Variants in SSBP1 observed in about 807,000 individuals in gnomAD.
SSBP1 encodes single stranded DNA binding protein 1, also known as single-stranded DNA-binding protein, mitochondrial.
A neutral mutation model predicts 27.0 loss-of-function variants in SSBP1; 20 were observed. The ratio of observed to expected loss-of-function variants is 0.74; its 90% CI spans 0.52 to 1.08. The LOEUF (loss-of-function observed/expected upper bound fraction) is 1.08. SSBP1 is among the 50% of genes least tolerant of loss of function. The probability of loss-of-function intolerance (pLI) is 0.00; values close to 1 mark genes in which losing one functional copy is unlikely to be tolerated. For missense variants in SSBP1, 137 were observed against 182.4 expected, an observed-to-expected ratio of 0.75 and a Z score of 1.44; for synonymous variants, 59 against 59.3, an observed-to-expected ratio of 1.00 and a Z score of 0.02.
At chr7:141,742,073 T>A in intron 2 of SSBP1, 96 bp from the exon 3 acceptor site, 1 of 910,950 alleles carries the variant, frequency 1.1e-6, no homozygotes, top group Non-Finnish European at 1.7e-6. Context: ...TTTCAGGAAC[T>A]ACTGACTATA....
chr7:141,742,072 C>T, intron 2 of SSBP1, 97 bp from the exon 3 acceptor site: 1 of 904,128 alleles, frequency 1.1e-6, no homozygotes, highest in Non-Finnish European at 1.7e-6. Flanking sequence ...TTTTCAGGAA[C>T]TACTGACTAT....
intron 2 of SSBP1, chr7:141,741,667 A>G: frequency 2.2e-6 from 1 of 458,200 alleles, no homozygotes; most frequent in African/African-American, 2.1e-5. Context: ...GTAATATACC[A>G]GTTGTTTATA....
intron 3 of SSBP1, among the ~76,000 whole-genome samples, chr7:141,743,000 G>C (rs979210321): frequency 1.3e-5 from 2 of 152,086 alleles, no homozygotes; most frequent in African/African-American, 2.4e-5. Context: ...GACTACAGGC[G>C]CCCGCCACCA....
chr7:141,741,077 T>G (rs1202630997), intron 2 of SSBP1: 1 of 152,224 alleles, frequency 6.6e-6, no homozygotes, highest in Non-Finnish European at 1.5e-5. Flanking sequence ...TCTCGTTCTC[T>G]AAACCAGCAG....
At chr7:141,747,483 G>A (rs918239298) in intron 6 of SSBP1, among the ~76,000 whole-genome samples, 1 of 147,360 alleles carries the variant, frequency 6.8e-6, no homozygotes, top group South Asian at 2.2e-4. Flanking sequence ...TTCGCCTCCC[G>A]GGTTCAAGCG....
chr7:141,745,951 G>C (rs530619811), intron 6 of SSBP1: 2 of 1,008,774 alleles, frequency 2.0e-6, no homozygotes, highest in South Asian at 9.2e-5. Context: ...ACACTAATGT[G>C]AGTGTGCAGA....
chr7:141,741,832 G>A, intron 2 of SSBP1: 1 of 1,013,544 alleles, frequency 9.9e-7, no homozygotes, highest in Non-Finnish European at 1.2e-6. Context: ...ACTCTGTAAT[G>A]TTAAAGTGAT....
At chr7:141,743,415 T>G (rs1221525853) in intron 3 of SSBP1, 146 bp from the exon 4 acceptor site, 19 of 887,298 alleles carry the variant, frequency 2.1e-5, no homozygotes, top group Non-Finnish European at 3.2e-5. Flanking sequence ...CATGACGTCA[T>G]CTAAGCCTAA....
In SSBP1 at chr7:141,742,238, C is replaced by T. The variant is rs780647294; in HGVS notation, c.85+9C>T. On this transcript the variant is annotated intron_variant, in intron 3 of 6. Coordinates refer to ENST00000265304, the MANE Select transcript of SSBP1 (RefSeq NM_003143.3). Reference sequence around the variant, plus strand: ...TTTGGTTCTTGAAAGATGTAAGTAGCTAATTTCCAAGTTTAAAATGTTATT... The same window carrying T: ...TTTGGTTCTTGAAAGATGTAAGTAGTTAATTTCCAAGTTTAAAATGTTATT... 1.9e-6 allele frequency: 3 copies of T among 1,591,836 alleles called. No homozygotes were observed. The highest frequency in any genetic ancestry group is 8.6e-7 in the Non-Finnish European group (1 of 1,161,486).
chr7:141,749,168 A>G (rs942465446), intron 6 of SSBP1, among the ~76,000 whole-genome samples: 3 of 152,256 alleles, frequency 2.0e-5, no homozygotes, highest in Non-Finnish European at 4.4e-5. Context: ...AGCTGTTAAC[A>G]TAGCATTTAC....
intron 4 of SSBP1, 32 bp downstream of exon 4, chr7:141,743,733 T>A (rs1400841092): frequency 6.2e-7 from 1 of 1,606,572 alleles, no homozygotes; most frequent in Admixed American, 1.7e-5. Flanking sequence ...TTTAATTTTA[T>A]CAGCAATAAA....
chr7:141,747,918 A>T (rs1464028280), intron 6 of SSBP1, among the ~76,000 whole-genome samples: 1 of 149,842 alleles, frequency 6.7e-6, no homozygotes, highest in Non-Finnish European at 1.5e-5. Context: ...GAATTGCTTG[A>T]ACCCAGGAGG....
At chr7:141,748,126 T>A (rs1799851096) in intron 6 of SSBP1, among the ~76,000 whole-genome samples, 1 of 151,444 alleles carries the variant, frequency 6.6e-6, no homozygotes. Flanking sequence ...CAGTGTTATA[T>A]CCATGCCTCC....
At chr7:141,739,989 A>G (rs1022109479) in intron 2 of SSBP1, 6 of 152,242 alleles carry the variant, frequency 3.9e-5, no homozygotes, top group Non-Finnish European at 8.8e-5. Flanking sequence ...ATAAGAGTTA[A>G]AAGTTTAATT....
intron 2 of SSBP1, 41 bp downstream of exon 2, chr7:141,739,231 C>G (rs1212993721): frequency 1.3e-6 from 2 of 1,509,806 alleles, no homozygotes; most frequent in East Asian, 4.7e-5. Context: ...GTATTACTAT[C>G]AGCCACAGTG....
intron 6 of SSBP1, among the ~76,000 whole-genome samples, chr7:141,748,154 C>T (rs1799852708): frequency 6.6e-6 from 1 of 151,954 alleles, no homozygotes; most frequent in African/African-American, 2.4e-5. Flanking sequence ...TGACCTACAC[C>T]TGGATTATTT....
At chr7:141,741,062 C>T (rs1183503847) in intron 2 of SSBP1, 2 of 152,126 alleles carry the variant, frequency 1.3e-5, no homozygotes. Flanking sequence ...GGAATGTAAC[C>T]TATCTCTCGT....
intron 6 of SSBP1, among the ~76,000 whole-genome samples, chr7:141,750,006 A>G (rs1799907162): frequency 6.6e-6 from 1 of 152,196 alleles, no homozygotes; most frequent in South Asian, 2.1e-4. Context: ...CATTGCAAGC[A>G]TCCAATTTTG....
rs1438699567 is a variant in SSBP1 at position 141,743,934 on chromosome 7, A to G, written c.259A>G (p.Ile87Val). 1.2e-6 allele frequency: 2 copies of G among 1,612,722 alleles called. No individual in the cohort carries two copies. The highest frequency in any genetic ancestry group is 1.7e-5 in the Admixed American group (1 of 59,912). The change falls in exon 5 of 7, where the codon ATA (isoleucine) becomes GTA (valine). Residue 87 changes from isoleucine to valine, a missense_variant. Around this residue, in one of 2 missense-constraint regions of SSBP1, gnomAD observed 95 missense variants for 152.0 expected, o/e 0.62. Coordinates refer to ENST00000265304, the MANE Select transcript of SSBP1 (RefSeq NM_003143.3). ...DVSQKTTWHR[I>V]SVFRPGLRDV... ...CAGTCAAAAGACAACATGGCACAGA[A>G]TATCAGTATTCCGGCCAGGCCTCAG...
Sources: allele counts gnomAD v4.1 joint callset (sites outside exome capture counted in the v4.1 genomes callset), GRCh38; gene constraint gnomAD v4.1.1; regional missense constraint gnomAD v4.1.1; transcripts MANE v1.5; gene names NCBI Gene and HGNC (gene_info 2026-07-23, HGNC 2026-07-21).